The following INPP4B variants were observed in gnomAD, a reference collection of about 807,000 sequenced individuals.
INPP4B encodes the protein inositol polyphosphate-4-phosphatase type II B.
INPP4B carries 55 observed loss-of-function variants against 122.5 expected under a neutral mutation model. The ratio of observed to expected loss-of-function variants is 0.45; its 90% CI spans 0.36 to 0.56. INPP4B has a LOEUF of 0.56. INPP4B is among the 20% of genes least tolerant of loss of function. The pLI, the probability that INPP4B is intolerant of heterozygous loss-of-function variation, is 0.00. For missense variants in INPP4B, 1,000 were observed against 1,097.7 expected (o/e 0.91, Z 1.26); for synonymous variants, 403 against 388.7 (o/e 1.04, Z -0.43).
chr4:142,816,267 T>C (rs1780105528), intron 1 of INPP4B, among the ~76,000 whole-genome samples: 1 of 152,166 alleles, frequency 6.6e-6, no homozygotes, highest in African/African-American at 2.4e-5. Flanking sequence ...CAGAATAAAT[T>C]AAGTCAGGGT....
intron 1 of INPP4B, among the ~76,000 whole-genome samples, chr4:142,835,764 C>T (rs1338350642): frequency 6.6e-6 from 1 of 152,186 alleles, no homozygotes; most frequent in African/African-American, 2.4e-5. Context: ...TATTCGTACT[C>T]ATTCTTTAAA....
intron 2 of INPP4B, among the ~76,000 whole-genome samples, chr4:142,708,445 G>C (rs934467990): frequency 8.5e-5 from 13 of 152,136 alleles, no homozygotes; most frequent in African/African-American, 3.1e-4. Context: ...AGGCCCATAG[G>C]GAGGAATGGT....
intron 8 of INPP4B, among the ~76,000 whole-genome samples, chr4:142,311,436 C>T (rs1402395767): frequency 3.9e-5 from 6 of 152,118 alleles, no homozygotes; most frequent in Admixed American, 3.3e-4. Flanking sequence ...GAATCCCCCA[C>T]CCATTTATTT....
At chr4:142,330,537 G>A (rs911677218) in intron 7 of INPP4B, among the ~76,000 whole-genome samples, 68 of 151,958 alleles carry the variant, frequency 4.5e-4, no homozygotes, top group African/African-American at 1.5e-3. Context: ...GTGCACACAC[G>A]CACACACATA....
chr4:142,280,267 A>G (rs1161854675), intron 9 of INPP4B, among the ~76,000 whole-genome samples: 2 of 152,016 alleles, frequency 1.3e-5, no homozygotes, highest in East Asian at 3.9e-4. Context: ...CTTCATTCAT[A>G]ATAGCCAAAA....
intron 7 of INPP4B, among the ~76,000 whole-genome samples, chr4:142,380,099 G>C (rs374478926): frequency 7.9e-5 from 12 of 152,316 alleles, no homozygotes; most frequent in African/African-American, 2.9e-4. Flanking sequence ...TCAGTTATCA[G>C]ATCACTTGAC....
chr4:142,843,799 T>C (rs1783851236), intron 1 of INPP4B, among the ~76,000 whole-genome samples: 1 of 152,104 alleles, frequency 6.6e-6, no homozygotes, highest in Non-Finnish European at 1.5e-5. Flanking sequence ...TTTCTGTCTT[T>C]CAGAGAATTG....
intron 22 of INPP4B, 151 bp from the exon 23 acceptor site, chr4:142,108,341 C>G: frequency 1.6e-6 from 1 of 644,124 alleles, no homozygotes; most frequent in Non-Finnish European, 2.7e-6. Context: ...ATGGTGATTT[C>G]AAACATATTC....
At chr4:142,621,792 T>C (rs1744994930) in intron 2 of INPP4B, among the ~76,000 whole-genome samples, 1 of 151,206 alleles carries the variant, frequency 6.6e-6, no homozygotes, top group Admixed American at 6.6e-5. Flanking sequence ...AAAAATATTA[T>C]GTAATAAAAT....
At chr4:142,379,702 T>C (rs1462696009) in intron 7 of INPP4B, among the ~76,000 whole-genome samples, 1 of 152,174 alleles carries the variant, frequency 6.6e-6, no homozygotes, top group African/African-American at 2.4e-5. Flanking sequence ...AAATAACTAG[T>C]TTCTGCTCTT....
At chr4:142,314,492 G>A (rs1766742067) in intron 8 of INPP4B, among the ~76,000 whole-genome samples, 1 of 152,076 alleles carries the variant, frequency 6.6e-6, no homozygotes, top group African/African-American at 2.4e-5. Flanking sequence ...CTAGCCAGCT[G>A]AACTAAATAT....
intron 2 of INPP4B, among the ~76,000 whole-genome samples, chr4:142,530,764 A>G (rs1447334758): frequency 6.6e-6 from 1 of 152,040 alleles, no homozygotes; most frequent in Non-Finnish European, 1.5e-5. Flanking sequence ...TGGAGGAAGT[A>G]CATTCAGGCA....
chr4:142,032,157 T>C (rs1740618091), intron 25 of INPP4B, among the ~76,000 whole-genome samples: 3 of 152,176 alleles, frequency 2.0e-5, no homozygotes. Flanking sequence ...CATTACCTAG[T>C]AACTTCCTGA....
chr4:142,407,060 G>A (rs1321846482), intron 5 of INPP4B, among the ~76,000 whole-genome samples: 1 of 152,086 alleles, frequency 6.6e-6, no homozygotes, highest in African/African-American at 2.4e-5. Flanking sequence ...CTGGTGCCAG[G>A]TTTCAATAAT....
chr4:142,253,461 G>A (rs1201088395), intron 11 of INPP4B, among the ~76,000 whole-genome samples: 2 of 152,198 alleles, frequency 1.3e-5, no homozygotes, highest in East Asian at 1.9e-4. Flanking sequence ...TCTCACTAGG[G>A]AGTGCCAGAG....
At chr4:142,345,222 TAAA>T (rs1466636375) in intron 7 of INPP4B, among the ~76,000 whole-genome samples, 1 of 151,974 alleles carries the variant, frequency 6.6e-6, no homozygotes, top group Non-Finnish European at 1.5e-5. Context: ...CTTTAGTAAA[TAAA>T]AGACATTATA....
At chr4:142,669,114 A>G (rs1452776175) in intron 2 of INPP4B, among the ~76,000 whole-genome samples, 1 of 152,076 alleles carries the variant, frequency 6.6e-6, no homozygotes, top group Non-Finnish European at 1.5e-5. Flanking sequence ...TTTAACTAAG[A>G]GGTGAGAGAT....
chr4:142,584,327 A>G (rs973074422), intron 2 of INPP4B, among the ~76,000 whole-genome samples: 3 of 152,190 alleles, frequency 2.0e-5, no homozygotes, highest in Non-Finnish European at 4.4e-5. Flanking sequence ...ACATTGATGA[A>G]CATTGATACA....
At chr4:142,561,096 A>AAT (rs1481920584) in intron 2 of INPP4B, among the ~76,000 whole-genome samples, 1 of 152,188 alleles carries the variant, frequency 6.6e-6, no homozygotes, top group East Asian at 1.9e-4. Flanking sequence ...TATAACAGAA[A>AAT]ATATATGTTA....
Sources: allele counts gnomAD v4.1 joint callset (sites outside exome capture counted in the v4.1 genomes callset), GRCh38; gene constraint gnomAD v4.1.1; transcripts MANE v1.5; gene names NCBI Gene and HGNC (gene_info 2026-07-23, HGNC 2026-07-21).